CTNND2: variants seen among roughly 807,000 people sequenced by gnomAD.
CTNND2 encodes the protein catenin delta-2.
CTNND2 carries 22 observed loss-of-function variants against 144.4 expected under a neutral mutation model. The ratio of observed to expected loss-of-function variants is 0.15; its 90% CI spans 0.11 to 0.22. The LOEUF (loss-of-function observed/expected upper bound fraction) is 0.22. Ranked by LOEUF, CTNND2 falls within the 10% of genes least tolerant of loss-of-function variation. The pLI is 1.00. For missense variants in CTNND2, 1,353 were observed against 1,618.8 expected (o/e 0.84, Z 2.82); for synonymous variants, 751 against 695.6 (o/e 1.08, Z -1.25).
chr5:11,070,499 A>C (rs960741785), intron 16 of CTNND2, among the ~76,000 whole-genome samples: 2 of 152,216 alleles, frequency 1.3e-5, no homozygotes, highest in Non-Finnish European at 2.9e-5. Flanking sequence ...CATGTAGTGT[A>C]ATATACATGT....
chr5:11,276,136 G>A (rs889764284), intron 9 of CTNND2, among the ~76,000 whole-genome samples: 3 of 152,150 alleles, frequency 2.0e-5, no homozygotes, highest in African/African-American at 4.8e-5. Flanking sequence ...CAGTGAGGAC[G>A]TGACATTCGA....
intron 1 of CTNND2, among the ~76,000 whole-genome samples, chr5:11,840,851 T>A (rs1220846379): frequency 1.3e-5 from 2 of 152,188 alleles, no homozygotes; most frequent in Non-Finnish European, 2.9e-5. Context: ...TACATTCAAG[T>A]AATTTGGAAA....
intron 3 of CTNND2, among the ~76,000 whole-genome samples, chr5:11,510,073 G>A (rs922155532): frequency 7.9e-5 from 12 of 152,130 alleles, no homozygotes; most frequent in African/African-American, 2.7e-4. Context: ...TGCAACTACA[G>A]ACACATGCCA....
In CTNND2 at chr5:11,044,961, G is replaced by C. The variant is rs546874510; in HGVS notation, c.2789-21982C>G. Among the ~76,000 whole-genome samples, 4 of 152,322 alleles carry C rather than the reference G, an allele frequency of 2.6e-5. No individual in the cohort carries two copies. The South Asian group carries it at 8.3e-4, about 32-fold the overall frequency. On this transcript the variant is annotated intron_variant, in intron 16 of 21. Coordinates refer to ENST00000304623, the MANE Select transcript of CTNND2 (RefSeq NM_001332.4). ...TACTTCTTTCTTTTCCTTTCCATTA[G>C]TTTCCTGTGACTGCTTCAGTGGATT...
At chr5:11,826,563 T>A (rs1240485169) in intron 1 of CTNND2, among the ~76,000 whole-genome samples, 2 of 152,034 alleles carry the variant, frequency 1.3e-5, no homozygotes, top group African/African-American at 2.4e-5. Context: ...GAGATTGTCA[T>A]ATTATATTTA....
At chr5:11,085,259 G>T (rs1439429151) in intron 15 of CTNND2, among the ~76,000 whole-genome samples, 1 of 152,228 alleles carries the variant, frequency 6.6e-6, no homozygotes, top group Non-Finnish European at 1.5e-5. Flanking sequence ...GAGCAGTGAT[G>T]TGTTTTCCCT....
At chr5:11,853,072 T>C (rs1029179062) in intron 1 of CTNND2, among the ~76,000 whole-genome samples, 2 of 152,138 alleles carry the variant, frequency 1.3e-5, no homozygotes, top group African/African-American at 4.8e-5. Context: ...CACATAAATC[T>C]CTGGGAAGAA....
chr5:11,068,724 G>T (rs1192815566), intron 16 of CTNND2, among the ~76,000 whole-genome samples: 1 of 152,154 alleles, frequency 6.6e-6, no homozygotes, highest in Non-Finnish European at 1.5e-5. Context: ...GACCATCCTG[G>T]CTAACACGGT....
chr5:11,833,425 A>G (rs528643556), intron 1 of CTNND2, among the ~76,000 whole-genome samples: 4 of 152,290 alleles, frequency 2.6e-5, no homozygotes, highest in Admixed American at 2.6e-4. Flanking sequence ...AAAAGGCAAA[A>G]TTACAGGGAC....
At chr5:11,254,341 G>A (rs1196715651) in intron 9 of CTNND2, among the ~76,000 whole-genome samples, 1 of 152,264 alleles carries the variant, frequency 6.6e-6, no homozygotes, top group Middle Eastern at 3.4e-3. Flanking sequence ...TCCTGGCTGT[G>A]GTTCTCAGGA....
chr5:11,135,138 A>G (rs539085505), intron 12 of CTNND2, among the ~76,000 whole-genome samples: 1 of 152,330 alleles, frequency 6.6e-6, no homozygotes, highest in African/African-American at 2.4e-5. Flanking sequence ...GAATAACTAG[A>G]AAACAAAAGA....
chr5:11,676,325 G>T (rs1784171102), intron 2 of CTNND2, among the ~76,000 whole-genome samples: 1 of 152,018 alleles, frequency 6.6e-6, no homozygotes, highest in Non-Finnish European at 1.5e-5. Context: ...ACTAAAAAAA[G>T]AGGTGAGAAA....
At chr5:11,734,763 T>C (rs1180610044) in intron 1 of CTNND2, among the ~76,000 whole-genome samples, 1 of 152,204 alleles carries the variant, frequency 6.6e-6, no homozygotes, top group Non-Finnish European at 1.5e-5. Context: ...GTATGTCTAG[T>C]TAATAATTTA....
At chr5:11,666,376 A>T (rs1289591015) in intron 2 of CTNND2, among the ~76,000 whole-genome samples, 1 of 152,240 alleles carries the variant, frequency 6.6e-6, no homozygotes, top group Non-Finnish European at 1.5e-5. Context: ...AAATAAATAC[A>T]TTAAGAATGA....
At chr5:11,011,981 GTGA>G (rs35982377) in intron 18 of CTNND2, among the ~76,000 whole-genome samples, 3 of 152,106 alleles carry the variant, frequency 2.0e-5, no homozygotes, top group Non-Finnish European at 4.4e-5. Flanking sequence ...GAGGTGACTA[GTGA>G]TGATGATGAT....
chr5:11,650,619 C>A (rs1406015531), intron 2 of CTNND2, among the ~76,000 whole-genome samples: 2 of 152,098 alleles, frequency 1.3e-5, no homozygotes, highest in Non-Finnish European at 2.9e-5. Flanking sequence ...GTGATATGGA[C>A]AATGAAGTTC....
intron 9 of CTNND2, among the ~76,000 whole-genome samples, chr5:11,330,315 C>CAAAAAAAAAAAAAAAAAAAA (rs1257414767): frequency 1.2e-5 from 1 of 82,348 alleles, no homozygotes; most frequent in African/African-American, 4.3e-5. Context: ...ACTAAAAATA[C>CAAAAAAAAAAAAAAAAAAAA]AAAAAAAAAA....
intron 9 of CTNND2, among the ~76,000 whole-genome samples, chr5:11,266,195 C>T (rs1040759071): frequency 1.3e-5 from 2 of 152,182 alleles, no homozygotes; most frequent in African/African-American, 4.8e-5. Context: ...ATAACTCAGA[C>T]TCAAAAGGTA....
At chr5:11,621,123 T>C (rs1053528954) in intron 2 of CTNND2, among the ~76,000 whole-genome samples, 1 of 152,216 alleles carries the variant, frequency 6.6e-6, no homozygotes, top group Non-Finnish European at 1.5e-5. Flanking sequence ...TGCATCCATC[T>C]AAAATAATTC....
Sources: allele counts gnomAD v4.1 joint callset (sites outside exome capture counted in the v4.1 genomes callset), GRCh38; gene constraint gnomAD v4.1.1; transcripts MANE v1.5; gene names NCBI Gene and HGNC (gene_info 2026-07-23, HGNC 2026-07-21).